Variants in SPAG16 observed in about 807,000 individuals in gnomAD.
SPAG16 encodes sperm associated antigen 16, also known as sperm-associated antigen 16 protein.
SPAG16 carries 86 observed loss-of-function variants against 80.4 expected under a neutral mutation model. The ratio of observed to expected loss-of-function variants is 1.07; its 90% confidence interval spans 0.90 to 1.28. The LOEUF is 1.28. Ranked by LOEUF, SPAG16 falls within the 50% of genes most tolerant of loss-of-function variation. SPAG16 has a pLI of 0.00. For missense variants in SPAG16, 870 were observed against 765.3 expected (o/e 1.14, Z -1.61); for synonymous variants, 294 against 265.9 (o/e 1.11, Z -1.03).
chr2:213,808,876 C>G (rs1263928552), intron 10 of SPAG16, among the ~76,000 whole-genome samples: 1 of 152,096 alleles, frequency 6.6e-6, no homozygotes, highest in African/African-American at 2.4e-5. Flanking sequence ...TGGCTCTTGT[C>G]AGGCCCCATG....
At chr2:213,566,250 G>A (rs2059759611) in intron 10 of SPAG16, among the ~76,000 whole-genome samples, 1 of 152,156 alleles carries the variant, frequency 6.6e-6, no homozygotes, top group African/African-American at 2.4e-5. Flanking sequence ...AACGATGCTA[G>A]CAGGAGTAAA....
Position 213,817,194 on chromosome 2 carries a change from C to T in SPAG16, c.1071-45291C>T, listed in dbSNP as rs1292917940. ...TATTTATTTCTTGATATTTAACTTA[C>T]TACTTTGTACAAAGCATGCATATAT... On this transcript the variant is annotated intron_variant, in intron 10 of 15. Transcript: ENST00000331683. Among the ~76,000 whole-genome samples, 3 of 147,348 alleles carry T rather than the reference C, an allele frequency of 2.0e-5. No homozygotes were observed. The South Asian group carries it at 6.4e-4, about 31-fold the overall frequency.
At chr2:214,275,193 CTTT>C (rs1423968169) in intron 15 of SPAG16, among the ~76,000 whole-genome samples, 2 of 152,034 alleles carry the variant, frequency 1.3e-5, no homozygotes, top group African/African-American at 4.8e-5. Flanking sequence ...CTCTTTTCTT[CTTT>C]ATTAGTCTTG....
In SPAG16 at chr2:214,304,136, TGC is replaced by T. The variant is rs1694753180; in HGVS notation, c.1721-106003_1721-106002del. ...TTGGTTTTCTGTTCCTATGTTACTT[TGC>T]TAAAGATAATGACCTCCAGCTTAAC... On this transcript the variant is annotated intron_variant, in intron 15 of 15. Coordinates refer to ENST00000331683, the MANE Select transcript of SPAG16 (RefSeq NM_024532.5). Among the ~76,000 whole-genome samples, 3 of 152,336 alleles carry T rather than the reference TGC, an allele frequency of 2.0e-5. No individual in the cohort carries two copies. In the South Asian group the frequency reaches 6.2e-4, roughly 32 times the overall value.
chr2:213,953,640 A>G (rs2043969668), intron 12 of SPAG16, among the ~76,000 whole-genome samples: 1 of 151,964 alleles, frequency 6.6e-6, no homozygotes, highest in Admixed American at 6.6e-5. Context: ...TTAAATTATT[A>G]GCATTCTGAA....
At chr2:213,603,986 C>A (rs556134048) in intron 10 of SPAG16, among the ~76,000 whole-genome samples, 1 of 151,186 alleles carries the variant, frequency 6.6e-6, no homozygotes, top group Non-Finnish European at 1.5e-5. Flanking sequence ...AGCAATGGCA[C>A]GATCTTGGCT....
chr2:213,694,651 G>A (rs1234052191), intron 10 of SPAG16, among the ~76,000 whole-genome samples: 1 of 152,082 alleles, frequency 6.6e-6, no homozygotes, highest in African/African-American at 2.4e-5. Flanking sequence ...TTACCAGGAA[G>A]TGTTCCATGT....
chr2:213,340,222 A>G lies in SPAG16; in HGVS notation c.596A>G (p.His199Arg), dbSNP rs900581354. The G allele has an allele frequency of 1.2e-6, 2 of 1,613,136 alleles. No homozygotes were observed. Among genetic ancestry groups the G allele is most frequent in the East Asian group, 2.2e-5 (1 of 44,780 alleles). Residue 199 changes from histidine to arginine, a missense_variant, in exon 6 of 16, where the codon CAT becomes CGT. His to Arg is a conservative substitution (Grantham distance 29, BLOSUM62 0). Transcript: ENST00000331683. ...QKERDFHRMHHKRIVQEKNKL... is the reference protein window; with the variant it reads ...QKERDFHRMHRKRIVQEKNKL... The stretch of plus-strand genomic sequence containing the variant: ...GAACGTGATTTTCATCGAATGCATC[A>G]TAAGCGAATAGTCCAGGAAAAAAAC...
intron 10 of SPAG16, among the ~76,000 whole-genome samples, chr2:213,836,728 C>CA (rs1283699883): frequency 6.6e-6 from 1 of 152,114 alleles, no homozygotes; most frequent in African/African-American, 2.4e-5. Context: ...TCTCCTGCCT[C>CA]AGCACCCACT....
chr2:213,547,358 G>C (rs2125932249), intron 10 of SPAG16, among the ~76,000 whole-genome samples: 1 of 152,118 alleles, frequency 6.6e-6, no homozygotes, highest in Non-Finnish European at 1.5e-5. Flanking sequence ...TTCTTTGAAA[G>C]TGAATACTTA....
At chr2:213,289,391 T>A (rs188534952) in intron 1 of SPAG16, among the ~76,000 whole-genome samples, 2 of 152,330 alleles carry the variant, frequency 1.3e-5, no homozygotes, top group Admixed American at 1.3e-4. Flanking sequence ...ATGCAACAGC[T>A]ATGTAGGACA....
rs140777584 is a variant in SPAG16, at chr2:214,364,346, G to A, written c.1721-45794G>A. ...TACTTGTACAAATAGCTCAAGTCACGCTTTCTCCTTAAAATGTTCCCTGAC... is the reference window on the plus strand; with the variant it reads ...TACTTGTACAAATAGCTCAAGTCACACTTTCTCCTTAAAATGTTCCCTGAC... On this transcript the variant is annotated intron_variant, in intron 15 of 15. Transcript: ENST00000331683. Among the ~76,000 whole-genome samples the A allele has an allele frequency of 1.9e-3, 285 of 152,092 alleles. 2 individuals are homozygous for A. Among genetic ancestry groups the A allele is most frequent in the African/African-American group, 6.7e-3 (276 of 41,496 alleles).
At chr2:213,689,445 T>C (rs1405627471) in intron 10 of SPAG16, among the ~76,000 whole-genome samples, 1 of 152,032 alleles carries the variant, frequency 6.6e-6, no homozygotes, top group Non-Finnish European at 1.5e-5. Flanking sequence ...TAGATTTCTT[T>C]TGAAAAGCAG....
In SPAG16 at chr2:214,161,802, C is replaced by T. The variant is rs183719446; in HGVS notation, c.1720+12536C>T. ...GCACACTTTTACCTGTGTAACAAAC[C>T]TGCACATTATGCACATGTACTCCAG... is the stretch of plus-strand genomic sequence containing the variant. On this transcript the variant is annotated intron_variant, in intron 15 of 15. Transcript: ENST00000331683. Among the ~76,000 whole-genome samples the T allele has an allele frequency of 2.6e-3, 400 of 151,994 alleles. 4 individuals carry two copies. Among genetic ancestry groups the T allele is most frequent in the African/African-American group, 9.2e-3 (380 of 41,480 alleles).
At chr2:213,653,821 T>C (rs920906464) in intron 10 of SPAG16, among the ~76,000 whole-genome samples, 1 of 152,200 alleles carries the variant, frequency 6.6e-6, no homozygotes, top group African/African-American at 2.4e-5. Context: ...TTTGTATTAT[T>C]TTACTTGATA....
intron 12 of SPAG16, among the ~76,000 whole-genome samples, chr2:213,978,645 T>G (rs374845689): frequency 1.3e-5 from 2 of 152,182 alleles, no homozygotes; most frequent in Non-Finnish European, 2.9e-5. Flanking sequence ...CTGTCTCACA[T>G]AGTTTTTGGG....
intron 15 of SPAG16, among the ~76,000 whole-genome samples, chr2:214,165,895 T>G (rs1035263874): frequency 6.6e-6 from 1 of 152,110 alleles, no homozygotes; most frequent in African/African-American, 2.4e-5. Flanking sequence ...GTTTCTCATT[T>G]AGGTGCTTAA....
intron 9 of SPAG16, among the ~76,000 whole-genome samples, chr2:213,431,890 T>A (rs1285590536): frequency 6.6e-6 from 1 of 151,826 alleles, no homozygotes; most frequent in East Asian, 1.9e-4. Context: ...ATAGTAACTT[T>A]ATCAAGTGTC....
chr2:213,908,081 C>T (rs1260725859), intron 11 of SPAG16, among the ~76,000 whole-genome samples: 2 of 152,160 alleles, frequency 1.3e-5, no homozygotes, highest in African/African-American at 4.8e-5. Flanking sequence ...GATTTGCTCA[C>T]TTACTGTATA....
Sources: gnomAD v4.1 joint callset for allele counts (sites outside exome capture counted in the v4.1 genomes callset) on GRCh38, gnomAD v4.1.1 for gene constraint, MANE v1.5 for transcripts, NCBI Gene and HGNC (gene_info 2026-07-23, HGNC 2026-07-21) for gene names.